Variants in HMCN1 observed in about 807,000 individuals in gnomAD.
HMCN1 encodes the protein hemicentin-1.
In HMCN1, 321 loss-of-function variants were observed where a neutral mutation model predicts 625.9. The ratio of observed to expected loss-of-function variants is 0.51; its 90% CI spans 0.47 to 0.56. HMCN1 has a LOEUF of 0.56. Ranked by LOEUF, HMCN1 falls within the 20% of genes least tolerant of loss-of-function variation. The pLI, the probability that HMCN1 is intolerant of heterozygous loss-of-function variation, is 0.00. For missense variants in HMCN1, 6,588 were observed against 6,887.3 expected (o/e 0.96, Z 1.54); for synonymous variants, 2,425 against 2,417.6 (o/e 1.00, Z -0.09).
intron 48 of HMCN1, 43 bp from the exon 49 acceptor site, chr1:186,065,195 T>C (rs766137665): frequency 1.3e-6 from 2 of 1,504,012 alleles, no homozygotes; most frequent in Non-Finnish European, 1.8e-6. Flanking sequence ...ATTCATTCTA[T>C]ACATGTAATT....
At chr1:185,788,099 G>A (rs1404531064) in intron 1 of HMCN1, among the ~76,000 whole-genome samples, 1 of 152,166 alleles carries the variant, frequency 6.6e-6, no homozygotes, top group Non-Finnish European at 1.5e-5. Flanking sequence ...TTTATTTTAG[G>A]CTAATAGTTT....
chr1:185,911,492 T>C (rs1666417755), intron 5 of HMCN1, among the ~76,000 whole-genome samples, 182 bp from the exon 6 acceptor site: 1 of 152,196 alleles, frequency 6.6e-6, no homozygotes, highest in African/African-American at 2.4e-5. Context: ...GAATGTGTTT[T>C]ATTTTAGCCA....
rs755170735 is a variant in HMCN1, at chr1:186,088,700, T to C, written c.9672T>C (p.Cys3224=). 2 of 1,611,396 alleles carry C rather than the reference T, an allele frequency of 1.2e-6. No homozygotes were observed. The highest frequency in any genetic ancestry group is 1.3e-5 in the African/African-American group (1 of 74,836). Residue 3224 remains cysteine, a synonymous_variant, in exon 63 of 107, where the codon TGT becomes TGC. Coordinates refer to ENST00000271588, the MANE Select transcript of HMCN1 (RefSeq NM_031935.3). Reference sequence around the variant, plus strand: ...ATTCAGATAGTGGAAACTATACATGTATTGCTTCAAATATGGAGGGAAAAG... The same window carrying C: ...ATTCAGATAGTGGAAACTATACATGCATTGCTTCAAATATGGAGGGAAAAG... ...SQHSDSGNYT[C]IASNMEGKAQ...
intron 76 of HMCN1, 138 bp downstream of exon 76, chr1:186,117,253 A>T (rs548709185): frequency 3.4e-5 from 42 of 1,244,964 alleles, no homozygotes; most frequent in Non-Finnish European, 4.3e-5. Flanking sequence ...CAGGTTCGTT[A>T]TATGGGTAAA....
chr1:185,987,281 A>G (rs1571668315), intron 19 of HMCN1, 151 bp from the exon 20 acceptor site: 9 of 684,366 alleles, frequency 1.3e-5, no homozygotes, highest in African/African-American at 8.8e-5. Context: ...ACACTCCTTT[A>G]CAGAGATTAT....
chr1:185,856,011 A>T (rs1662441873), intron 2 of HMCN1, among the ~76,000 whole-genome samples: 1 of 152,208 alleles, frequency 6.6e-6, no homozygotes, highest in South Asian at 2.1e-4. Flanking sequence ...TTCTACAAGT[A>T]ATAAAAGCCA....
intron 48 of HMCN1, 150 bp downstream of exon 48, chr1:186,062,750 G>A (rs1425214983): frequency 2.9e-6 from 2 of 685,898 alleles, no homozygotes; most frequent in South Asian, 1.6e-5. Flanking sequence ...AAGTCTCAGT[G>A]ATGGTAAACA....
At chr1:185,963,940 C>G (rs1410004799) in intron 13 of HMCN1, 45 bp downstream of exon 13, 2 of 1,543,270 alleles carry the variant, frequency 1.3e-6, no homozygotes, top group Non-Finnish European at 1.8e-6. Context: ...GGATGAATAT[C>G]ACATCAAGCA....
At chr1:185,970,279 G>A (rs1650718691) in intron 14 of HMCN1, 56 bp from the exon 15 acceptor site, 5 of 1,485,818 alleles carry the variant, frequency 3.4e-6, no homozygotes, top group Non-Finnish European at 4.7e-6. Context: ...ACCAATAGCT[G>A]CATAAACAAT....
chr1:186,130,463 C>A, intron 84 of HMCN1, 44 bp from the exon 85 acceptor site: 1 of 1,559,948 alleles, frequency 6.4e-7, no homozygotes, highest in South Asian at 1.1e-5. Flanking sequence ...AAGAAATTAT[C>A]AGCACTTACT....
intron 36 of HMCN1, among the ~76,000 whole-genome samples, chr1:186,033,267 T>A (rs1453924652): frequency 6.6e-6 from 1 of 152,092 alleles, no homozygotes; most frequent in African/African-American, 2.4e-5. Context: ...GGCATAAGAA[T>A]GATATAATGC....
At chr1:185,832,565 A>G (rs570444272) in intron 1 of HMCN1, among the ~76,000 whole-genome samples, 1 of 152,292 alleles carries the variant, frequency 6.6e-6, no homozygotes, top group East Asian at 1.9e-4. Flanking sequence ...CCAACTAGGT[A>G]GCCATCTGGA....
intron 1 of HMCN1, among the ~76,000 whole-genome samples, chr1:185,779,920 G>C (rs953933112): frequency 1.2e-4 from 18 of 152,132 alleles, no homozygotes; most frequent in African/African-American, 4.1e-4. Context: ...GGCATTGAAT[G>C]TATAAATTAC....
At chr1:185,895,773 G>A (rs990420380) in intron 4 of HMCN1, among the ~76,000 whole-genome samples, 2 of 152,162 alleles carry the variant, frequency 1.3e-5, no homozygotes, top group South Asian at 2.1e-4. Flanking sequence ...TACTGAATGA[G>A]CATGTGTAAG....
chr1:186,138,175 C>T (rs1179373636), intron 89 of HMCN1, among the ~76,000 whole-genome samples: 1 of 152,038 alleles, frequency 6.6e-6, no homozygotes, highest in East Asian at 1.9e-4. Context: ...AAGCAAAATA[C>T]CTGCTTTAAT....
chr1:185,822,141 A>G (rs994041017), intron 1 of HMCN1, among the ~76,000 whole-genome samples: 5 of 152,166 alleles, frequency 3.3e-5, no homozygotes, highest in African/African-American at 1.2e-4. Context: ...ATATGTCACT[A>G]TACATTTGTC....
intron 10 of HMCN1, among the ~76,000 whole-genome samples, chr1:185,931,810 A>G (rs891752398): frequency 1.3e-5 from 2 of 152,202 alleles, no homozygotes; most frequent in African/African-American, 2.4e-5. Flanking sequence ...TTTGTTTCAT[A>G]GGGATCTGAG....
intron 25 of HMCN1, among the ~76,000 whole-genome samples, chr1:185,999,433 T>C (rs1472192165): frequency 6.6e-6 from 1 of 152,158 alleles, no homozygotes; most frequent in Non-Finnish European, 1.5e-5. Context: ...CCATTCATTC[T>C]GTTAGTCATA....
intron 36 of HMCN1, among the ~76,000 whole-genome samples, chr1:186,027,325 C>T (rs1273023131): frequency 6.6e-6 from 1 of 152,168 alleles, no homozygotes; most frequent in Non-Finnish European, 1.5e-5. Flanking sequence ...TATGAAATTA[C>T]ATCTAAACCT....
Sources: gnomAD v4.1 joint callset for allele counts (sites outside exome capture counted in the v4.1 genomes callset) on GRCh38, gnomAD v4.1.1 for gene constraint, MANE v1.5 for transcripts, NCBI Gene and HGNC (gene_info 2026-07-23, HGNC 2026-07-21) for gene names.